Variants in PAX3 observed in about 807,000 individuals in gnomAD.
PAX3 encodes paired box 3.
In PAX3, 14 loss-of-function variants were observed where a neutral mutation model predicts 51.6. That is an observed-to-expected ratio of 0.27 (90% CI 0.18 to 0.42). PAX3 has a LOEUF of 0.42. PAX3 is among the 10% of genes least tolerant of loss of function. The pLI, the probability that PAX3 is intolerant of heterozygous loss-of-function variation, is 1.00. For synonymous variants in PAX3, 280 were observed against 253.4 expected, an observed-to-expected ratio of 1.11 and a Z score of -1.00; for missense variants, 540 against 642.8, an observed-to-expected ratio of 0.84 and a Z score of 1.73.
intron 4 of PAX3, chr2:222,293,857 C>T (rs1695140449): frequency 5.0e-6 from 8 of 1,612,076 alleles, no homozygotes; most frequent in African/African-American, 1.3e-5. Flanking sequence ...CATTTAATGG[C>T]AACAGAGTGA....
intron 4 of PAX3, among the ~76,000 whole-genome samples, chr2:222,247,793 T>TAA (rs1693283085): frequency 6.6e-6 from 1 of 151,356 alleles, no homozygotes; most frequent in African/African-American, 2.4e-5. Flanking sequence ...GAAAAAAAAA[T>TAA]TTTTTTTTAG....
At chr2:222,221,460 T>A in intron 5 of PAX3, 73 bp from the exon 6 acceptor site, 1 of 1,377,560 alleles carries the variant, frequency 7.3e-7, no homozygotes, top group Non-Finnish European at 1.0e-6. Flanking sequence ...TTTTTTATGC[T>A]AAAACAGATT....
chr2:222,209,622 G>A (rs1691641743), intron 7 of PAX3, among the ~76,000 whole-genome samples: 1 of 143,046 alleles, frequency 7.0e-6, no homozygotes, highest in Non-Finnish European at 1.5e-5. Context: ...CACTTTGGGA[G>A]GCTGAGGCCA....
intron 4 of PAX3, chr2:222,293,904 C>T (rs895964613): frequency 5.0e-5 from 79 of 1,584,596 alleles, no homozygotes; most frequent in Non-Finnish European, 6.4e-5. Flanking sequence ...GCACAATTCA[C>T]AGTTCTAGAA....
chr2:222,264,108 G>T (rs552250059), intron 4 of PAX3: 3 of 152,178 alleles, frequency 2.0e-5, no homozygotes, highest in Non-Finnish European at 4.4e-5. Context: ...CAAGTTCATA[G>T]CAGCACTATT....
intron 7 of PAX3, among the ~76,000 whole-genome samples, chr2:222,205,063 G>C (rs2106040316): frequency 6.6e-6 from 1 of 152,306 alleles, no homozygotes; most frequent in East Asian, 1.9e-4. Flanking sequence ...TAGAAGAGAA[G>C]AAACATGTCC....
chr2:222,286,862 A>T (rs1172062731), intron 4 of PAX3, among the ~76,000 whole-genome samples: 7 of 152,272 alleles, frequency 4.6e-5, no homozygotes, highest in African/African-American at 1.7e-4. Context: ...ACAGTCTTCA[A>T]TAACTATATT....
At chr2:222,258,220 C>T (rs895295966) in intron 4 of PAX3, among the ~76,000 whole-genome samples, 7 of 152,260 alleles carry the variant, frequency 4.6e-5, no homozygotes, top group South Asian at 2.1e-4. Context: ...TATTTGTCTG[C>T]GTAAAGGAAG....
intron 4 of PAX3, among the ~76,000 whole-genome samples, chr2:222,268,108 A>G (rs1694115475): frequency 6.6e-6 from 1 of 152,228 alleles, no homozygotes. Context: ...CCTGTTATGC[A>G]CAAATGCAAC....
intron 4 of PAX3, among the ~76,000 whole-genome samples, chr2:222,249,011 A>G (rs1693325601): frequency 6.6e-6 from 1 of 152,152 alleles, no homozygotes; most frequent in Admixed American, 6.6e-5. Context: ...CAGACAGTAA[A>G]CAAGGAGGCT....
chr2:222,273,077 C>T (rs913844259), intron 4 of PAX3, among the ~76,000 whole-genome samples: 4 of 152,152 alleles, frequency 2.6e-5, no homozygotes, highest in Non-Finnish European at 5.9e-5. Context: ...TGAATGATAA[C>T]ATGATAAAGA....
intron 4 of PAX3, among the ~76,000 whole-genome samples, chr2:222,267,752 T>C (rs1312220918): frequency 6.6e-6 from 1 of 152,226 alleles, no homozygotes; most frequent in Non-Finnish European, 1.5e-5. Flanking sequence ...TCAAACATTG[T>C]TCTGCTGTAC....
intron 7 of PAX3, 62 bp downstream of exon 7, chr2:222,220,078 A>C (rs543350769): frequency 7.2e-7 from 1 of 1,392,034 alleles, no homozygotes; most frequent in East Asian, 2.3e-5. Context: ...CTACTGCCTC[A>C]GGGAATTGAA....
chr2:222,226,221 C>T lies in PAX3; in HGVS notation c.793-4834G>A, dbSNP rs868381624. Among the ~76,000 whole-genome samples the T allele has an allele frequency of 5.9e-5, 9 of 152,310 alleles. No individual in the cohort carries two copies. In the South Asian group the frequency reaches 6.2e-4, roughly 11 times the overall value. On this transcript the variant is annotated intron_variant, in intron 5 of 8. Transcript: ENST00000392070. ...TGGTTAAATACTAGACTCAGGATGT[C>T]GAATGCTGACATGCCAAGTACAGTA...
chr2:222,205,655 A>C (rs1275387890), intron 7 of PAX3, among the ~76,000 whole-genome samples: 1 of 152,202 alleles, frequency 6.6e-6, no homozygotes, highest in African/African-American at 2.4e-5. Context: ...AATATTTCAC[A>C]CTGAGAAAAC....
intron 4 of PAX3, among the ~76,000 whole-genome samples, chr2:222,256,395 C>T (rs963858643): frequency 6.6e-5 from 10 of 152,048 alleles, no homozygotes; most frequent in Non-Finnish European, 1.5e-4. Flanking sequence ...TGCCATCCCT[C>T]CCTCTCAGAG....
At position 222,273,034 on chromosome 2, in the gene PAX3, T is replaced by C. The variant is rs137930560; in HGVS notation, c.586+21133A>G. The stretch of plus-strand genomic sequence containing the variant: ...CCCTGGACTTTGAGGGGTTTTTAAG[T>C]TGATGCTGTTATTGTAGCTAATTTT... On this transcript the variant is annotated intron_variant, in intron 4 of 8. Coordinates refer to ENST00000392070, the MANE Select transcript of PAX3 (RefSeq NM_181458.4). Among the ~76,000 whole-genome samples the C allele has an allele frequency of 5.8e-3, 887 of 152,336 alleles. 4 individuals are homozygous for C. Among genetic ancestry groups the C allele is most frequent in the African/African-American group, 0.021 (861 of 41,566 alleles).
intron 4 of PAX3, among the ~76,000 whole-genome samples, chr2:222,253,458 C>T (rs1036548038): frequency 1.3e-5 from 2 of 152,040 alleles, no homozygotes; most frequent in Admixed American, 6.6e-5. Flanking sequence ...CAAACTAAGA[C>T]TCTGAACAAA....
Position 222,200,856 on chromosome 2 carries a change from A to T in PAX3, c.*552T>A, listed in dbSNP as rs1301582403. ...TAGCTTCCTAAAAATGGTTGCATTTATCTTTATTTCAATTTCCAGTGTGTA... is the reference window on the plus strand; with the variant it reads ...TAGCTTCCTAAAAATGGTTGCATTTTTCTTTATTTCAATTTCCAGTGTGTA... On this transcript the variant is annotated 3_prime_UTR_variant, in exon 9 of 9. Coordinates refer to ENST00000392070, the MANE Select transcript of PAX3 (RefSeq NM_181458.4). 1 of 398,652 alleles carries T rather than the reference A, an allele frequency of 2.5e-6. No homozygotes were observed. 24.7% of individuals were successfully genotyped at this position (398,652 alleles called of 1,614,324 possible).
Sources: gnomAD v4.1 joint callset for allele counts (sites outside exome capture counted in the v4.1 genomes callset) on GRCh38, gnomAD v4.1.1 for gene constraint, MANE v1.5 for transcripts, NCBI Gene and HGNC (gene_info 2026-07-23, HGNC 2026-07-21) for gene names.